DNHD1: variants seen among roughly 807,000 people sequenced by gnomAD.
DNHD1 encodes the protein dynein heavy chain domain 1.
Under a neutral mutation model 458.1 loss-of-function variants are expected in DNHD1, and 383 were observed. That is an observed-to-expected ratio of 0.84 (90% CI 0.77 to 0.91). The LOEUF is 0.91. DNHD1 is among the 40% of genes least tolerant of loss of function. DNHD1 has a pLI of 0.00. For missense variants in DNHD1, 5,336 were observed against 5,866.1 expected (o/e 0.91, Z 2.95); for synonymous variants, 2,203 against 2,376.9 (o/e 0.93, Z 2.13).
intron 17 of DNHD1, 126 bp from the exon 18 acceptor site, chr11:6,539,750 T>G (rs1853052301): frequency 1.2e-6 from 1 of 842,956 alleles, no homozygotes; most frequent in African/African-American, 1.7e-5. Flanking sequence ...GCTTCATCTC[T>G]GAGACCTCCA....
Position 6,546,061 on chromosome 11 carries a change from C to T in DNHD1, c.5122C>T (p.Leu1708=), listed in dbSNP as rs1210359718. ...NSLAQALGRQ[L]VMLPCSPQIE... ...CCTGGCACAGGCCCTGGGCCGCCAG[C>T]TGGTGATGCTACCCTGCTCACCTCA... Residue 1708 remains leucine, a synonymous_variant, in exon 21 of 43, where the codon CTG becomes TTG. Coordinates refer to ENST00000254579, the MANE Select transcript of DNHD1 (RefSeq NM_144666.3). 2 of 1,551,366 alleles carry T rather than the reference C, an allele frequency of 1.3e-6. No individual in the cohort carries two copies. Among genetic ancestry groups the T allele is most frequent in the South Asian group, 2.4e-5 (2 of 84,046 alleles).
At chr11:6,518,330 G>A (rs929657938) in intron 7 of DNHD1, among the ~76,000 whole-genome samples, 20 of 152,152 alleles carry the variant, frequency 1.3e-4, no homozygotes, top group Admixed American at 3.9e-4. Flanking sequence ...CCAAAGTGCT[G>A]GGATTACAAG....
chr11:6,571,991 G>A lies in DNHD1; in HGVS notation c.*5G>A, dbSNP rs768041910. On this transcript the variant is annotated 3_prime_UTR_variant, in exon 43 of 43. Coordinates refer to ENST00000254579, the MANE Select transcript of DNHD1 (RefSeq NM_144666.3). The surrounding 1 kb of genome is among the most constrained non-coding windows in gnomAD (Gnocchi z 5.0). ...TGCAGCCCACCCCTGTCTTGAGCCC[G>A]TCTACCAAAATAAAGTTGTAGTGAT... The A allele has an allele frequency of 3.1e-5, 50 of 1,591,246 alleles. No individual in the cohort carries two copies. Among genetic ancestry groups the A allele is most frequent in the African/African-American group, 1.2e-4 (9 of 74,548 alleles).
At chr11:6,524,973 C>T (rs1852680660) in intron 10 of DNHD1, among the ~76,000 whole-genome samples, 1 of 152,152 alleles carries the variant, frequency 6.6e-6, no homozygotes, top group Admixed American at 6.5e-5. Flanking sequence ...TGTATCTTTC[C>T]ATCACTCTTT....
rs765702705 is a variant in DNHD1, at chr11:6,571,833, T to A, written c.14109T>A (p.Thr4703=). Residue 4703 remains threonine, a synonymous_variant, in exon 43 of 43, where the codon ACT becomes ACA. Coordinates refer to ENST00000254579, the MANE Select transcript of DNHD1 (RefSeq NM_144666.3). This position sits in a 1 kb window ranked among gnomAD's most constrained non-coding sequence, Gnocchi z 5.0. The part of the protein sequence containing the change: ...TSDLPAPADL[T]VYSCPVYMGG... ...ACCTGCCAGCCCCAGCCGACCTGAC[T>A]GTGTACTCGTGTCCTGTGTACATGG... 9 of 1,613,888 alleles carry A rather than the reference T, an allele frequency of 5.6e-6. No homozygotes were observed. Among genetic ancestry groups the A allele is most frequent in the Non-Finnish European group, 7.6e-6 (9 of 1,179,776 alleles).
Position 6,557,073 on chromosome 11 carries a change from C to G in DNHD1, c.7778C>G (p.Ser2593Cys), listed in dbSNP as rs1393339408. Residue 2593 changes from serine (S) to cysteine (C), a missense_variant, in exon 25 of 43, where the codon TCT becomes TGT. Around this residue, in one of 4 missense-constraint regions of DNHD1, gnomAD observed 3,932 missense variants for 4,365.6 expected, o/e 0.90. Coordinates refer to ENST00000254579, the MANE Select transcript of DNHD1 (RefSeq NM_144666.3). Reference sequence around the variant, plus strand: ...CCACACTACCACTTCTCCCTACACTCTGTGAGCCACCTACTGAGCAGCCTG... The same window carrying G: ...CCACACTACCACTTCTCCCTACACTGTGTGAGCCACCTACTGAGCAGCCTG... The part of the protein sequence containing the change: ...LHPHYHFSLH[S>C]VSHLLSSLQL... 10 of 1,551,640 alleles carry G rather than the reference C, an allele frequency of 6.4e-6. No homozygotes were observed. Among genetic ancestry groups the G allele is most frequent in the Non-Finnish European group, 8.7e-6 (10 of 1,147,018 alleles).
At position 6,557,369 on chromosome 11, in the gene DNHD1, G is replaced by A; in HGVS notation, c.8074G>A (p.Asp2692Asn). 1 of 1,551,480 alleles carries A rather than the reference G, an allele frequency of 6.4e-7. No homozygotes were observed. The change falls in exon 25 of 43, where the codon GAC (aspartate) becomes AAC (asparagine). Residue 2692 changes from aspartate to asparagine, a missense_variant. Asp to Asn is a conservative substitution (Grantham distance 23, BLOSUM62 1). Coordinates refer to ENST00000254579, the MANE Select transcript of DNHD1 (RefSeq NM_144666.3). Reference sequence around the variant, plus strand: ...GCCAGGGCCCCAGCACCTGGGCAAGGACCATCAGGAGAGTGAGGAGGAGGA... The same window carrying A: ...GCCAGGGCCCCAGCACCTGGGCAAGAACCATCAGGAGAGTGAGGAGGAGGA... ...CGPGPQHLGKDHQESEEEEEE... is the reference protein window; with the variant it reads ...CGPGPQHLGKNHQESEEEEEE...
At chr11:6,562,072 G>A (rs1193923846) in intron 28 of DNHD1, among the ~76,000 whole-genome samples, 3 of 152,212 alleles carry the variant, frequency 2.0e-5, no homozygotes, top group African/African-American at 7.2e-5. Context: ...TAGGAGGCCA[G>A]TGTAGAAGGT....
At chr11:6,503,041 C>G in intron 4 of DNHD1, 115 bp downstream of exon 4, 1 of 1,159,598 alleles carries the variant, frequency 8.6e-7, no homozygotes, top group Non-Finnish European at 1.2e-6. Context: ...TCTCCACATA[C>G]TCCTCCTCTG....
chr11:6,562,927 G>A, intron 28 of DNHD1, 55 bp from the exon 29 acceptor site: 1 of 1,526,678 alleles, frequency 6.6e-7, no homozygotes. Flanking sequence ...GGTCTTCTGG[G>A]GTTTCCCGCG....
intron 21 of DNHD1, 37 bp downstream of exon 21, chr11:6,547,703 G>A: frequency 6.7e-7 from 1 of 1,498,286 alleles, no homozygotes; most frequent in Non-Finnish European, 9.0e-7. Flanking sequence ...GAGAGATGGG[G>A]CCTTAAGGGT....
chr11:6,538,959 T>G, intron 16 of DNHD1, 149 bp downstream of exon 16: 1 of 1,004,854 alleles, frequency 1.0e-6, no homozygotes, highest in Non-Finnish European at 1.4e-6. Flanking sequence ...TTTCTTTTCC[T>G]TAACTGGGAC....
In DNHD1 at chr11:6,544,261, C is replaced by G. The variant is rs1273611840; in HGVS notation, c.3754+15C>G. On this transcript the variant is annotated intron_variant, in intron 19 of 42. Coordinates refer to ENST00000254579, the MANE Select transcript of DNHD1 (RefSeq NM_144666.3). The stretch of plus-strand genomic sequence containing the variant: ...GCATGGCCTGGGTAAGTGCAGGCCT[C>G]TAGCCAGGCTGATGGGTGAGACCTG... 6.4e-7 allele frequency: 1 copy of G among 1,551,320 alleles called. No individual in the cohort carries two copies. The highest frequency in any genetic ancestry group is 2.0e-5 in the Admixed American group (1 of 51,000).
intron 10 of DNHD1, 156 bp downstream of exon 10, chr11:6,520,445 G>C: frequency 6.8e-7 from 1 of 1,474,594 alleles, no homozygotes; most frequent in Non-Finnish European, 9.0e-7. Flanking sequence ...CATATGTGTT[G>C]TGGGTAGAAA....
intron 17 of DNHD1, 85 bp downstream of exon 17, chr11:6,539,398 A>G: frequency 9.9e-7 from 1 of 1,013,716 alleles, no homozygotes. Context: ...GGTGTTTGGC[A>G]TGTGATTTAA....
chr11:6,570,542 A>C, intron 41 of DNHD1, 76 bp from the exon 42 acceptor site: 2 of 1,489,538 alleles, frequency 1.3e-6, no homozygotes, highest in Non-Finnish European at 1.8e-6. Flanking sequence ...GTAAAGGCTC[A>C]GAGGAAGGCC....
intron 12 of DNHD1, among the ~76,000 whole-genome samples, chr11:6,531,539 C>CAAAT (rs1442352962): frequency 6.6e-6 from 1 of 151,986 alleles, no homozygotes; most frequent in African/African-American, 2.4e-5. Flanking sequence ...AACAAACAAA[C>CAAAT]AAACAAGCAA....
At chr11:6,550,345 A>G (rs1853314549) in intron 24 of DNHD1, among the ~76,000 whole-genome samples, 1 of 152,230 alleles carries the variant, frequency 6.6e-6, no homozygotes, top group Non-Finnish European at 1.5e-5. Context: ...GAATTTGCAC[A>G]AAATTAGAGA....
intron 7 of DNHD1, among the ~76,000 whole-genome samples, chr11:6,512,272 G>A (rs1852355215): frequency 7.5e-6 from 1 of 133,712 alleles, no homozygotes; most frequent in Non-Finnish European, 1.5e-5. Context: ...CCAGGCTGGA[G>A]TGCAGTGGCG....
Sources: gnomAD v4.1 joint callset for allele counts (sites outside exome capture counted in the v4.1 genomes callset) on GRCh38, gnomAD v4.1.1 for gene constraint, gnomAD v4.1.1 regional missense constraint, Gnocchi (gnomAD v3.1) non-coding constraint, MANE v1.5 for transcripts, NCBI Gene and HGNC (gene_info 2026-07-23, HGNC 2026-07-21) for gene names.